The following TSHZ3 variants were observed in gnomAD, a reference collection of about 807,000 sequenced individuals.
TSHZ3 encodes the protein teashirt homolog 3.
In TSHZ3, 10 loss-of-function variants were observed where a neutral mutation model predicts 64.5. The ratio of observed to expected loss-of-function variants is 0.16; its 90% CI spans 0.10 to 0.26. TSHZ3 has a LOEUF of 0.26. Among genes scored for constraint, TSHZ3 ranks in the 10% least tolerant of loss-of-function variants. The pLI, the probability that TSHZ3 is intolerant of heterozygous loss-of-function variation, is 1.00. For synonymous variants in TSHZ3, 608 were observed against 593.1 expected, an observed-to-expected ratio of 1.03 and a Z score of -0.36; for missense variants, 1,242 against 1,421.7, an observed-to-expected ratio of 0.87 and a Z score of 2.03.
intron 1 of TSHZ3, among the ~76,000 whole-genome samples, chr19:31,335,746 G>A (rs1054320190): frequency 5.9e-5 from 9 of 152,228 alleles, no homozygotes; most frequent in Non-Finnish European, 1.0e-4. Context: ...GTACCAGCAG[G>A]CCTGGCAGGT....
At chr19:31,165,342 T>A (rs1974433353) in intron 5 of TSHZ3, among the ~76,000 whole-genome samples, 1 of 152,230 alleles carries the variant, frequency 6.6e-6, no homozygotes, top group Admixed American at 6.5e-5. Context: ...CCTTGGTGTG[T>A]AGGATTTTTT....
intron 1 of TSHZ3, among the ~76,000 whole-genome samples, chr19:31,296,299 C>T (rs1279137977): frequency 1.3e-5 from 2 of 150,764 alleles, no homozygotes; most frequent in Non-Finnish European, 2.9e-5. Context: ...CACAAGCACA[C>T]CTTCATGAAG....
chr19:31,344,220 A>C (rs553700856), intron 1 of TSHZ3, among the ~76,000 whole-genome samples: 1 of 152,264 alleles, frequency 6.6e-6, no homozygotes, highest in Non-Finnish European at 1.5e-5. Flanking sequence ...GAACACCTGC[A>C]AGGGTTTGGG....
In TSHZ3 at chr19:31,349,243, T is replaced by TGCC. The variant is rs761271037; in HGVS notation, c.-27_-25dup. 66 of 1,470,488 alleles carry TGCC rather than the reference T, an allele frequency of 4.5e-5. No individual in the cohort carries two copies. Among genetic ancestry groups the TGCC allele is most frequent in the African/African-American group, 1.9e-4 (13 of 69,414 alleles). 91.1% of individuals were successfully genotyped at this position (1,470,488 alleles called of 1,614,324 possible). A position where few individuals can be genotyped will look rare whatever the true frequency, so the allele number is the denominator to read the frequency against. On this transcript the variant is annotated 5_prime_UTR_variant, in exon 1 of 2. Transcript: ENST00000240587. ...ATGATGCTTCTCCGGCGACTGCCACTGCCGCCGCCGCCGCCGCTGCCGGGC... is the reference window on the plus strand; with the variant it reads ...ATGATGCTTCTCCGGCGACTGCCACTGCCGCCGCCGCCGCCGCCGCTGCCGGGC...
At chr19:31,246,956 AC>A (rs1445534340) in intron 1 of TSHZ3, among the ~76,000 whole-genome samples, 15 of 152,348 alleles carry the variant, frequency 9.8e-5, no homozygotes, top group African/African-American at 3.6e-4. Flanking sequence ...CAAATTTAGC[AC>A]AAAAATAAAT....
intron 5 of TSHZ3, among the ~76,000 whole-genome samples, chr19:31,158,959 G>A (rs536105323): frequency 6.6e-6 from 1 of 152,262 alleles, no homozygotes; most frequent in African/African-American, 2.4e-5. Flanking sequence ...TTCTCCCATG[G>A]CACCACTCTC....
At chr19:31,161,494 T>C (rs1424404525) in intron 5 of TSHZ3, among the ~76,000 whole-genome samples, 2 of 152,228 alleles carry the variant, frequency 1.3e-5, no homozygotes, top group East Asian at 3.8e-4. Context: ...ATTCACAGTT[T>C]TAGGGATATG....
intron 1 of TSHZ3, among the ~76,000 whole-genome samples, chr19:31,263,956 G>A (rs1226680541): frequency 1.3e-5 from 2 of 152,212 alleles, no homozygotes; most frequent in Non-Finnish European, 2.9e-5. Context: ...TCCAGCCTTG[G>A]CTCTGCCACT....
At chr19:31,232,078 C>T (rs1975547799) in intron 3 of TSHZ3, among the ~76,000 whole-genome samples, 1 of 151,936 alleles carries the variant, frequency 6.6e-6, no homozygotes, top group African/African-American at 2.4e-5. Context: ...TCCCTTATTC[C>T]AAGGGAGCCA....
intron 5 of TSHZ3, among the ~76,000 whole-genome samples, chr19:31,203,273 C>A (rs768693566): frequency 6.6e-6 from 1 of 152,030 alleles, no homozygotes; most frequent in Non-Finnish European, 1.5e-5. Flanking sequence ...GAAGGAACAA[C>A]AAGGAGGTCG....
intron 5 of TSHZ3, among the ~76,000 whole-genome samples, chr19:31,193,618 T>C (rs1426274469): frequency 6.6e-6 from 1 of 152,206 alleles, no homozygotes; most frequent in Non-Finnish European, 1.5e-5. Flanking sequence ...TGCCTCACTC[T>C]TCTCATAGGT....
intron 1 of TSHZ3, among the ~76,000 whole-genome samples, chr19:31,312,023 C>G (rs1032696520): frequency 6.6e-6 from 1 of 152,180 alleles, no homozygotes; most frequent in Non-Finnish European, 1.5e-5. Flanking sequence ...TGCACCCGGC[C>G]AAGCCACTCC....
intron 6 of TSHZ3, among the ~76,000 whole-genome samples, chr19:31,152,046 T>C (rs1346054095): frequency 2.0e-5 from 3 of 152,150 alleles, no homozygotes; most frequent in African/African-American, 7.2e-5. Context: ...ACTCTTTCCT[T>C]CATGGCTTTG....
At chr19:31,349,613 C>CG (rs1599666576), upstream of TSHZ3, 1 of 167,954 alleles carries the variant, frequency 6.0e-6, no homozygotes, top group East Asian at 1.6e-4. Flanking sequence ...CTGCCCCCCC[C>CG]CGCCCCGTCC....
At chr19:31,292,566 G>A (rs1262338415) in intron 1 of TSHZ3, among the ~76,000 whole-genome samples, 1 of 152,146 alleles carries the variant, frequency 6.6e-6, no homozygotes, top group East Asian at 1.9e-4. Context: ...GCTAACATGA[G>A]ATGGGAGTTA....
intron 5 of TSHZ3, among the ~76,000 whole-genome samples, chr19:31,202,679 T>A (rs1428559131): frequency 6.6e-6 from 1 of 152,220 alleles, no homozygotes; most frequent in African/African-American, 2.4e-5. Flanking sequence ...AACTCTTTTT[T>A]AAGCCCTTAA....
intron 3 of TSHZ3, among the ~76,000 whole-genome samples, chr19:31,237,180 G>C (rs759166645): frequency 9.2e-5 from 14 of 152,036 alleles, no homozygotes; most frequent in African/African-American, 3.4e-4. Flanking sequence ...ACAATCAACA[G>C]AGTGAAAAGG....
chr19:31,286,807 A>G (rs1228587829), intron 1 of TSHZ3, among the ~76,000 whole-genome samples: 1 of 152,304 alleles, frequency 6.6e-6, no homozygotes, highest in East Asian at 1.9e-4. Flanking sequence ...CCCCACCCTC[A>G]GCTCACCAGT....
intron 1 of TSHZ3, among the ~76,000 whole-genome samples, chr19:31,263,641 G>A (rs1332944818): frequency 6.6e-6 from 1 of 152,122 alleles, no homozygotes; most frequent in Non-Finnish European, 1.5e-5. Context: ...AGGGGGGACA[G>A]TGTGCCCTGC....
Sources: gnomAD v4.1 joint callset for allele counts (sites outside exome capture counted in the v4.1 genomes callset) on GRCh38, gnomAD v4.1.1 for gene constraint, MANE v1.5 for transcripts, NCBI Gene and HGNC (gene_info 2026-07-23, HGNC 2026-07-21) for gene names.